SPIDR: variants seen among roughly 807,000 people sequenced by gnomAD.
The protein encoded by SPIDR is scaffold protein involved in DNA repair, also known as DNA repair-scaffolding protein.
In SPIDR, 93 loss-of-function variants were observed where a neutral mutation model predicts 104.6. The ratio of observed to expected loss-of-function variants is 0.89; its 90% CI spans 0.75 to 1.06. SPIDR has a LOEUF of 1.06. Among genes scored for constraint, SPIDR ranks in the 50% least tolerant of loss-of-function variants. The probability of loss-of-function intolerance (pLI) is 0.00; values close to 1 mark genes in which losing one functional copy is unlikely to be tolerated. For missense variants in SPIDR, 1,154 were observed against 1,111.2 expected (o/e 1.04, Z -0.55); for synonymous variants, 431 against 416.9 (o/e 1.03, Z -0.41).
chr8:47,649,142 C>T (rs1441016483), intron 10 of SPIDR, among the ~76,000 whole-genome samples: 1 of 152,052 alleles, frequency 6.6e-6, no homozygotes, highest in Admixed American at 6.5e-5. Flanking sequence ...ACTCAGGACG[C>T]TGAGGTGAGA....
intron 5 of SPIDR, among the ~76,000 whole-genome samples, chr8:47,343,056 GAGA>G (rs2051108500): frequency 6.6e-6 from 1 of 152,102 alleles, no homozygotes; most frequent in South Asian, 2.1e-4. Context: ...TAACTCTTAG[GAGA>G]AGTTTTGAAG....
intron 7 of SPIDR, among the ~76,000 whole-genome samples, chr8:47,410,547 T>A (rs1385579007): frequency 1.3e-5 from 2 of 152,086 alleles, no homozygotes; most frequent in African/African-American, 2.4e-5. Context: ...TTCTTGGCGT[T>A]TTTTTATATT....
chr8:47,699,640 C>T (rs1279769997), intron 11 of SPIDR, among the ~76,000 whole-genome samples: 9 of 152,088 alleles, frequency 5.9e-5, no homozygotes, highest in Non-Finnish European at 1.3e-4. Context: ...CTGCAACCTC[C>T]GCCTCCCGGG....
chr8:47,469,881 C>T (rs1300945171), intron 8 of SPIDR, among the ~76,000 whole-genome samples: 3 of 152,028 alleles, frequency 2.0e-5, no homozygotes, highest in Admixed American at 2.0e-4. Context: ...AAGAAGAAAA[C>T]TACAAAACAT....
intron 8 of SPIDR, among the ~76,000 whole-genome samples, chr8:47,507,330 G>C (rs562717080): frequency 6.6e-6 from 1 of 152,358 alleles, no homozygotes; most frequent in East Asian, 1.9e-4. Flanking sequence ...TGCTGCCCAT[G>C]AATCAGTGTG....
At chr8:47,693,757 CA>C (rs1257715720) in intron 11 of SPIDR, among the ~76,000 whole-genome samples, 7 of 152,226 alleles carry the variant, frequency 4.6e-5, no homozygotes, top group Non-Finnish European at 7.3e-5. Context: ...AGAGTGGCAT[CA>C]GGGGTGACCT....
At chr8:47,374,310 C>A (rs1349248622) in intron 5 of SPIDR, among the ~76,000 whole-genome samples, 1 of 151,908 alleles carries the variant, frequency 6.6e-6, no homozygotes, top group African/African-American at 2.4e-5. Context: ...TCACTTGAGC[C>A]GAGGAGTTCG....
intron 8 of SPIDR, among the ~76,000 whole-genome samples, chr8:47,572,583 A>G (rs927415522): frequency 6.6e-6 from 1 of 151,788 alleles, no homozygotes; most frequent in Non-Finnish European, 1.5e-5. Flanking sequence ...AATCACTTGA[A>G]CCCAGGAGGT....
At chr8:47,704,468 C>T (rs1158334850) in intron 14 of SPIDR, among the ~76,000 whole-genome samples, 1 of 152,144 alleles carries the variant, frequency 6.6e-6, no homozygotes, top group Non-Finnish European at 1.5e-5. Context: ...CCAGTGTCCC[C>T]TGGTGCTTCC....
intron 12 of SPIDR, 86 bp downstream of exon 12, chr8:47,700,576 G>A (rs1449988237): frequency 1.5e-6 from 2 of 1,349,434 alleles, no homozygotes; most frequent in Non-Finnish European, 2.1e-6. Context: ...TCACTCACAT[G>A]GTCTGTGTCC....
At chr8:47,373,522 A>G (rs567969067) in intron 5 of SPIDR, among the ~76,000 whole-genome samples, 3 of 151,788 alleles carry the variant, frequency 2.0e-5, no homozygotes, top group South Asian at 2.1e-4. Context: ...TTTTGTTATT[A>G]TACTTTAAGT....
intron 5 of SPIDR, among the ~76,000 whole-genome samples, chr8:47,337,644 G>GT (rs1302753088): frequency 1.6e-5 from 2 of 127,034 alleles, no homozygotes; most frequent in Non-Finnish European, 3.4e-5. Context: ...AGAAACCATT[G>GT]TTTAAAAAAA....
intron 10 of SPIDR, among the ~76,000 whole-genome samples, chr8:47,636,141 C>T (rs1366261227): frequency 3.9e-5 from 6 of 152,162 alleles, no homozygotes; most frequent in Non-Finnish European, 1.5e-5. Flanking sequence ...TGGCAATTCT[C>T]ATAATATTTC....
At chr8:47,332,921 T>A (rs1671127177) in intron 5 of SPIDR, among the ~76,000 whole-genome samples, 2 of 143,688 alleles carry the variant, frequency 1.4e-5, no homozygotes, top group Non-Finnish European at 3.0e-5. Context: ...GATGAGTAGG[T>A]TGCAAAAATT....
chr8:47,511,441 A>G lies in SPIDR; in HGVS notation c.1097+70899A>G, dbSNP rs189711836. The G allele has an allele frequency of 2.0e-5, 16 of 792,268 alleles. No individual in the cohort carries two copies. In the East Asian group the frequency reaches 3.4e-4, roughly 17 times the overall value. 49.1% of individuals were successfully genotyped at this position (792,268 alleles called of 1,614,324 possible). On this transcript the variant is annotated intron_variant, in intron 8 of 19. Coordinates refer to ENST00000297423, the MANE Select transcript of SPIDR (RefSeq NM_001080394.4). ...AAAGTCCTCGTCCTGATGTTCCTCCATATCCAAGTTCGCCTGTCCACTGTG... is the reference window on the plus strand; with the variant it reads ...AAAGTCCTCGTCCTGATGTTCCTCCGTATCCAAGTTCGCCTGTCCACTGTG...
chr8:47,655,211 G>A (rs2072518969), intron 10 of SPIDR, among the ~76,000 whole-genome samples: 1 of 152,130 alleles, frequency 6.6e-6, no homozygotes, highest in African/African-American at 2.4e-5. Context: ...CTTTATAGCA[G>A]CATGATTTAT....
chr8:47,545,230 C>T (rs1181699068), intron 8 of SPIDR, among the ~76,000 whole-genome samples: 1 of 151,122 alleles, frequency 6.6e-6, no homozygotes, highest in Non-Finnish European at 1.5e-5. Flanking sequence ...AAGCGATTTC[C>T]AGCCAATTTT....
chr8:47,690,777 C>T (rs996237340), intron 11 of SPIDR, among the ~76,000 whole-genome samples: 1 of 152,140 alleles, frequency 6.6e-6, no homozygotes, highest in Admixed American at 6.5e-5. Context: ...CAAGATCGCA[C>T]CATTGCACTC....
At chr8:47,302,671 C>T (rs1440643348) in intron 5 of SPIDR, among the ~76,000 whole-genome samples, 3 of 152,222 alleles carry the variant, frequency 2.0e-5, no homozygotes, top group Non-Finnish European at 2.9e-5. Flanking sequence ...ACAGTCAGGA[C>T]CCTCAGCTGC....
Sources: allele counts gnomAD v4.1 joint callset (sites outside exome capture counted in the v4.1 genomes callset), GRCh38; gene constraint gnomAD v4.1.1; transcripts MANE v1.5; gene names NCBI Gene and HGNC (gene_info 2026-07-23, HGNC 2026-07-21).